S100A14: variants seen among roughly 807,000 people sequenced by gnomAD.
The protein encoded by S100A14 is protein S100-A14.
A neutral mutation model predicts 10.6 loss-of-function variants in S100A14; 6 were observed. The ratio of observed to expected loss-of-function variants is 0.57; its 90% confidence interval spans 0.31 to 1.12. The LOEUF is 1.12. Ranked by LOEUF, S100A14 falls within the 50% of genes most tolerant of loss-of-function variation. The probability of loss-of-function intolerance (pLI) is 0.06; values close to 1 mark genes in which losing one functional copy is unlikely to be tolerated. For synonymous variants in S100A14, 51 were observed against 51.0 expected (o/e 1.00, Z 0.00); for missense variants, 121 against 128.7 (o/e 0.94, Z 0.29).
intron 2 of S100A14, 35 bp downstream of exon 2, chr1:153,615,794 G>T: frequency 6.2e-7 from 1 of 1,611,900 alleles, no homozygotes; most frequent in Non-Finnish European, 8.5e-7. Flanking sequence ...GGAGAGGAGT[G>T]TGGGAGCAGA....
At position 153,614,781 on chromosome 1, in the gene S100A14, G is replaced by C; in HGVS notation, c.*104C>G. ...AGGAAGCTGAACTTTGCAGAGATGA[G>C]GACAGGTGCAGGCTAGGGTACAGGG... On this transcript the variant is annotated 3_prime_UTR_variant, in exon 4 of 4. Coordinates refer to ENST00000344616, the MANE Select transcript of S100A14 (RefSeq NM_020672.3). 1 of 1,375,750 alleles carries C rather than the reference G, an allele frequency of 7.3e-7. No homozygotes were observed. The highest frequency in any genetic ancestry group is 9.9e-7 in the Non-Finnish European group (1 of 1,005,836). The allele number at this position is 1,375,750 out of a possible 1,614,324, so 85.2% of individuals were successfully genotyped here. A position where few individuals can be genotyped will look rare whatever the true frequency, so the allele number is the denominator to read the frequency against.
At position 153,615,835 on chromosome 1, in the gene S100A14, G is replaced by A. The variant is rs745569667; in HGVS notation, c.24C>T (p.Asn8=). The A allele has an allele frequency of 3.9e-5, 63 of 1,613,814 alleles. No individual in the cohort carries two copies. The highest frequency in any genetic ancestry group is 8.8e-5 in the South Asian group (8 of 91,074). MGQCRSA[N]AEDAQEFSDV... is the part of the protein sequence containing the mutation. ...CAGGAGTGAATGAGCCCACCTCTGC[G>A]TTGGCTGACCGACACTGTCCCATGG... The change falls in exon 2 of 4, where the codon AAC becomes AAT. Residue 8 remains asparagine (N), a synonymous_variant. Coordinates refer to ENST00000344616, the MANE Select transcript of S100A14 (RefSeq NM_020672.3).
In S100A14 at chr1:153,614,415, G is replaced by T. The variant is rs374167776; in HGVS notation, c.*470C>A. 171 of 156,246 alleles carry T rather than the reference G, an allele frequency of 1.1e-3. No homozygotes were observed. The highest frequency in any genetic ancestry group is 5.5e-3 in the South Asian group (28 of 5,106). The allele number at this position is 156,246 out of a possible 1,614,324, so 9.7% of individuals were successfully genotyped here. ...CCTCCCCTGCCCTAGCCCAGGGACAGAGTCTAGGAGGAGCCTGGGGCAGAG... is the reference window on the plus strand; with the variant it reads ...CCTCCCCTGCCCTAGCCCAGGGACATAGTCTAGGAGGAGCCTGGGGCAGAG... On this transcript the variant is annotated 3_prime_UTR_variant, in exon 4 of 4. Transcript: ENST00000344616.
chr1:153,615,599 C>A (rs1390219874), intron 2 of S100A14, among the ~76,000 whole-genome samples: 2 of 152,182 alleles, frequency 1.3e-5, no homozygotes, highest in East Asian at 3.9e-4. Flanking sequence ...TCCCCACACC[C>A]CCCACCGCAG....
chr1:153,616,009 TCC>T, intron 1 of S100A14, 73 bp from the exon 2 acceptor site: 1 of 714,624 alleles, frequency 1.4e-6, no homozygotes, highest in Non-Finnish European at 2.4e-6. Flanking sequence ...CCCCTTTGGC[TCC>T]ATCTCAGATA....
At chr1:153,615,959 C>T in intron 1 of S100A14, 23 bp from the exon 2 acceptor site, 1 of 1,167,346 alleles carries the variant, frequency 8.6e-7, no homozygotes. Context: ...GGGGGTAGGC[C>T]TGAGCTGAGG....
Position 153,614,907 on chromosome 1 carries a change from T to G in S100A14, c.293A>C (p.Glu98Ala), listed in dbSNP as rs759415838. The stretch of plus-strand genomic sequence containing the variant: ...TTCTCAGTGCCCCCGGACAGGCCTC[T>G]CCAGCTTCACACTCTTGGCCGCTTC... ...IGEAAKSVKL[E>A]RPVRGH Residue 98 changes from glutamate to alanine, a missense_variant, in exon 4 of 4, where the codon GAG becomes GCG. Transcript: ENST00000344616. 1.9e-5 allele frequency: 30 copies of G among 1,613,868 alleles called. No homozygotes were observed. Among genetic ancestry groups the G allele is most frequent in the Non-Finnish European group, 2.5e-5 (29 of 1,179,944 alleles).
At chr1:153,615,073 T>C (rs2101521463) in intron 3 of S100A14, 51 bp from the exon 4 acceptor site, 1 of 1,602,178 alleles carries the variant, frequency 6.2e-7, no homozygotes, top group East Asian at 2.2e-5. Flanking sequence ...CTTCCAATCT[T>C]CCCACCCCAC....
chr1:153,615,931 C>G lies in S100A14; in HGVS notation c.-73G>C. On this transcript the variant is annotated 5_prime_UTR_variant, in exon 2 of 4. It removes an upstream start codon present in the reference 5' UTR. Transcript: ENST00000344616. ...GCTGGCCCCAGAGGAGCTGATGGCT[C>G]ATGATCTGCTTAGAGGAGGGGGTAG... 1 of 1,486,564 alleles carries G rather than the reference C, an allele frequency of 6.7e-7. No homozygotes were observed. The highest frequency in any genetic ancestry group is 1.1e-5 in the South Asian group (1 of 88,374). 92.1% of individuals were successfully genotyped at this position (1,486,564 alleles called of 1,614,324 possible). A position where few individuals can be genotyped will look rare whatever the true frequency, so the allele number is the denominator to read the frequency against.
In S100A14 at chr1:153,615,012, C is replaced by G; in HGVS notation, c.188G>C (p.Gly63Ala). The change falls in exon 4 of 4, where the codon GGC becomes GCC. Residue 63 changes from glycine to alanine, a missense_variant. Physicochemically the swap from Gly to Ala is moderately conservative, Grantham distance 60. Coordinates refer to ENST00000344616, the MANE Select transcript of S100A14 (RefSeq NM_020672.3). ...QLPHLMPSNC[G>A]LEEKIANLGS... is the part of the protein sequence containing the mutation. ...CAGGTTGGCAATTTTCTCTTCCAGGCCACAGTTGCTCTGAGGGGAGTGAAG... is the reference window on the plus strand; with the variant it reads ...CAGGTTGGCAATTTTCTCTTCCAGGGCACAGTTGCTCTGAGGGGAGTGAAG... The G allele has an allele frequency of 6.2e-7, 1 of 1,613,820 alleles. No homozygotes were observed. The highest frequency in any genetic ancestry group is 8.5e-7 in the Non-Finnish European group (1 of 1,179,896).
At position 153,615,327 on chromosome 1, in the gene S100A14, A is replaced by G. The variant is rs1025397911; in HGVS notation, c.85T>C (p.Phe29Leu). The change falls in exon 3 of 4, where the codon TTT (phenylalanine) becomes CTT (leucine). Residue 29 changes from phenylalanine (F) to leucine (L), a missense_variant. Phe to Leu is a conservative substitution (Grantham distance 22, BLOSUM62 0). Transcript: ENST00000344616. ...CCACCCTCCACGGAGTACTGGTGAA[A>G]GTTCTTGATGAGGGTCTCAATGGCC... ...ERAIETLIKN[F>L]HQYSVEGGKE... is the part of the protein sequence containing the mutation. The G allele has an allele frequency of 6.2e-7, 1 of 1,613,754 alleles. No homozygotes were observed. The highest frequency in any genetic ancestry group is 1.3e-5 in the African/African-American group (1 of 74,872).
Position 153,615,395 on chromosome 1 carries a change from A to G in S100A14, c.31-14T>C. 6.2e-7 allele frequency: 1 copy of G among 1,611,204 alleles called. No homozygotes were observed. ...TTCCTGAGCATCCTGAGGGCAGGGG[A>G]CATCACAAACATCAGTGAAGCTCCA... is the stretch of plus-strand genomic sequence containing the variant. On this transcript the variant is annotated splice_polypyrimidine_tract_variant and intron_variant, in intron 2 of 3. Coordinates refer to ENST00000344616, the MANE Select transcript of S100A14 (RefSeq NM_020672.3).
Position 153,615,326 on chromosome 1 carries a change from A to G in S100A14, c.86T>C (p.Phe29Ser). 6.2e-7 allele frequency: 1 copy of G among 1,613,896 alleles called. No homozygotes were observed. Among genetic ancestry groups the G allele is most frequent in the Non-Finnish European group, 8.5e-7 (1 of 1,179,968 alleles). Residue 29 changes from phenylalanine (F) to serine (S), a missense_variant, in exon 3 of 4, where the codon TTT (phenylalanine) becomes TCT (serine). Phe to Ser is a radical substitution (Grantham distance 155). Transcript: ENST00000344616. The stretch of plus-strand genomic sequence containing the variant: ...CCCACCCTCCACGGAGTACTGGTGA[A>G]AGTTCTTGATGAGGGTCTCAATGGC... ...ERAIETLIKN[F>S]HQYSVEGGKE... is the part of the protein sequence containing the mutation.
intron 2 of S100A14, among the ~76,000 whole-genome samples, 172 bp from the exon 3 acceptor site, chr1:153,615,553 C>T (rs1443426452): frequency 6.6e-6 from 1 of 152,160 alleles, no homozygotes; most frequent in African/African-American, 2.4e-5. Context: ...GCTCGGCCTC[C>T]AGGCCACAGC....
In S100A14 at chr1:153,614,895, C is replaced by G; in HGVS notation, c.305G>C (p.Arg102Pro). ...TTCCAGAGGGAGTTCTCAGTGCCCC[C>G]GGACAGGCCTCTCCAGCTTCACACT... ...AKSVKLERPV[R>P]GH is the part of the protein sequence containing the mutation. The change falls in exon 4 of 4, where the codon CGG (arginine) becomes CCG (proline). Residue 102 changes from arginine to proline, a missense_variant. Arg to Pro is a moderately radical substitution (Grantham distance 103). Coordinates refer to ENST00000344616, the MANE Select transcript of S100A14 (RefSeq NM_020672.3). 1 of 1,613,660 alleles carries G rather than the reference C, an allele frequency of 6.2e-7. No homozygotes were observed. The highest frequency in any genetic ancestry group is 8.5e-7 in the Non-Finnish European group (1 of 1,179,818).
Position 153,615,955 on chromosome 1 carries a change from A to ACCC in S100A14, c.-78-20_-78-19insGGG. ...TCATGATCTGCTTAGAGGAGGGGGT[A>ACCC]GGCCTGAGCTGAGGAGAGAGTCTAG... On this transcript the variant is annotated intron_variant, in intron 1 of 3. Transcript: ENST00000344616. The ACCC allele has an allele frequency of 2.5e-6, 3 of 1,216,754 alleles. 1 individual carries two copies. In the South Asian group the frequency reaches 3.7e-5, roughly 15 times the overall value. 75.4% of individuals were successfully genotyped at this position (1,216,754 alleles called of 1,614,324 possible). A position where few individuals can be genotyped will look rare whatever the true frequency, so the allele number is the denominator to read the frequency against.
chr1:153,616,154 T>C (rs1666961573), intron 1 of S100A14, 141 bp downstream of exon 1: 1 of 336,952 alleles, frequency 3.0e-6, no homozygotes, highest in Non-Finnish European at 5.6e-6. Flanking sequence ...TTAGCTTAAT[T>C]CTTTCCACCT....
At position 153,614,392 on chromosome 1, in the gene S100A14, TC is replaced by T. The variant is rs1666910608; in HGVS notation, c.*492del. 2 of 154,440 alleles carry T rather than the reference TC, an allele frequency of 1.3e-5. No individual in the cohort carries two copies. Among genetic ancestry groups the T allele is most frequent in the South Asian group, 4.0e-4 (2 of 4,980 alleles). The allele number at this position is 154,440 out of a possible 1,614,324, so 9.6% of individuals were successfully genotyped here. A position where few individuals can be genotyped will look rare whatever the true frequency, so the allele number is the denominator to read the frequency against. The stretch of plus-strand genomic sequence containing the variant: ...TCTCCCCCAACCCTGCTCTCCCTCC[TC>T]CCCTGCCCTAGCCCAGGGACAGAGT... On this transcript the variant is annotated 3_prime_UTR_variant, in exon 4 of 4. Coordinates refer to ENST00000344616, the MANE Select transcript of S100A14 (RefSeq NM_020672.3).
In S100A14 at chr1:153,614,664, C is replaced by T; in HGVS notation, c.*221G>A. On this transcript the variant is annotated 3_prime_UTR_variant, in exon 4 of 4. Transcript: ENST00000344616. ...TATCCCTCAAATATTCATCCCTGGC[C>T]CAACCAGTCCCCTGAGCCTCCCTCT... 1.9e-6 allele frequency: 1 copy of T among 512,936 alleles called. No homozygotes were observed. The highest frequency in any genetic ancestry group is 3.5e-5 in the South Asian group (1 of 28,870). 31.8% of individuals were successfully genotyped at this position (512,936 alleles called of 1,614,324 possible). A position where few individuals can be genotyped will look rare whatever the true frequency, so the allele number is the denominator to read the frequency against.
Sources: allele counts gnomAD v4.1 joint callset (sites outside exome capture counted in the v4.1 genomes callset), GRCh38; gene constraint gnomAD v4.1.1; transcripts MANE v1.5; gene names NCBI Gene and HGNC (gene_info 2026-07-23, HGNC 2026-07-21).